Variants in EXOC1 observed in about 807,000 individuals in gnomAD.
EXOC1 encodes SEC3-like 1.
A neutral mutation model predicts 107.7 loss-of-function variants in EXOC1; 67 were observed. The observed-to-expected ratio is 0.62, with a 90% CI of 0.51 to 0.76. EXOC1 has a LOEUF of 0.76. Among genes scored for constraint, EXOC1 ranks in the 30% least tolerant of loss-of-function variants. The pLI is 0.00. For missense variants in EXOC1, 833 were observed against 1,055.7 expected (o/e 0.79, Z 2.92); for synonymous variants, 348 against 353.5 (o/e 0.98, Z 0.17).
At chr4:55,879,698 A>G (rs940445643) in intron 9 of EXOC1, among the ~76,000 whole-genome samples, 3 of 152,178 alleles carry the variant, frequency 2.0e-5, no homozygotes, top group East Asian at 1.9e-4. Context: ...CCCTTTTTAA[A>G]AAAATAGAGC....
rs116050743 is a variant in EXOC1, at chr4:55,873,282, A to G, written c.1074+1324A>G. 5.2e-3 allele frequency among the ~76,000 whole-genome samples: 796 copies of G among 152,196 alleles called. 7 individuals are homozygous for G. Among genetic ancestry groups the G allele is most frequent in the African/African-American group, 0.018 (758 of 41,538 alleles). ...GAGTGTAAAGGAAGACCACCTAACT[A>G]AAAGCACGGTAGGGGGGAATCAGAG... On this transcript the variant is annotated intron_variant, in intron 8 of 18. Coordinates refer to ENST00000381295, the MANE Select transcript of EXOC1 (RefSeq NM_001024924.2).
At chr4:55,855,761 A>G (rs1278672363) in intron 1 of EXOC1, among the ~76,000 whole-genome samples, 3 of 152,212 alleles carry the variant, frequency 2.0e-5, no homozygotes, top group Non-Finnish European at 4.4e-5. Context: ...TTGCATGAAC[A>G]AAAGCCCAGA....
At chr4:55,857,972 A>C (rs191875805) in intron 1 of EXOC1, among the ~76,000 whole-genome samples, 229 of 152,242 alleles carry the variant, frequency 1.5e-3, no homozygotes, top group African/African-American at 5.4e-3. Context: ...TCTTTTATTC[A>C]GTTTTTAATG....
chr4:55,902,346 T>C lies in EXOC1; in HGVS notation c.2340T>C (p.His780=). Residue 780 remains histidine (H), a splice_region_variant and synonymous_variant, in exon 18 of 19, where the codon CAT becomes CAC. Coordinates refer to ENST00000381295, the MANE Select transcript of EXOC1 (RefSeq NM_001024924.2). ...SLGQPLEKLN[H]FFEGVEARVA... The stretch of plus-strand genomic sequence containing the variant: ...TGTTTCTTTTCATTTCCTTGAAGCA[T>C]TTCTTTGAAGGTGTTGAAGCTCGCG... The C allele has an allele frequency of 6.9e-7, 1 of 1,442,166 alleles. No homozygotes were observed. 89.3% of individuals were successfully genotyped at this position (1,442,166 alleles called of 1,614,324 possible).
intron 4 of EXOC1, among the ~76,000 whole-genome samples, chr4:55,866,311 T>C (rs941093494): frequency 6.6e-6 from 1 of 152,168 alleles, no homozygotes; most frequent in Non-Finnish European, 1.5e-5. Context: ...GATTGAAGTT[T>C]TTATTTGGCC....
intron 16 of EXOC1, 28 bp downstream of exon 16, chr4:55,896,928 T>C (rs763961614): frequency 6.5e-7 from 1 of 1,534,148 alleles, no homozygotes; most frequent in East Asian, 2.4e-5. Flanking sequence ...TCTAAAGAAT[T>C]GTTATAGCTA....
intron 17 of EXOC1, among the ~76,000 whole-genome samples, chr4:55,901,141 C>G (rs1725854904): frequency 6.6e-6 from 1 of 152,048 alleles, no homozygotes; most frequent in Non-Finnish European, 1.5e-5. Context: ...AAGCACTAGC[C>G]AGTTCAACAA....
At chr4:55,890,479 C>T in intron 12 of EXOC1, 93 bp downstream of exon 12, 2 of 964,918 alleles carry the variant, frequency 2.1e-6, no homozygotes, top group Non-Finnish European at 3.0e-6. Context: ...GATTTGGGTT[C>T]TTCTGGCTCT....
intron 16 of EXOC1, among the ~76,000 whole-genome samples, chr4:55,899,397 C>T (rs966994236): frequency 2.2e-4 from 33 of 152,024 alleles, no homozygotes; most frequent in African/African-American, 7.5e-4. Context: ...TTAAAATGGT[C>T]CAGCCGGTTG....
chr4:55,898,256 T>TA (rs995765438), intron 16 of EXOC1, among the ~76,000 whole-genome samples: 7 of 152,216 alleles, frequency 4.6e-5, no homozygotes, highest in Admixed American at 4.6e-4. Context: ...GACCCTGTCT[T>TA]AAAAATAAAT....
chr4:55,864,283 C>T lies in EXOC1; in HGVS notation c.312C>T (p.Ser104=), dbSNP rs2110321535. ...AAATATATAAATGGGTTGCCAGCAG[C>T]ACTGCTGAAAAGAATGCATTTATTT... is the stretch of plus-strand genomic sequence containing the variant. ...FEKIYKWVAS[S]TAEKNAFISC... Residue 104 remains serine (S), a synonymous_variant, in exon 4 of 19, where the codon AGC becomes AGT. Transcript: ENST00000381295. 6.2e-7 allele frequency: 1 copy of T among 1,606,728 alleles called. No homozygotes were observed. The highest frequency in any genetic ancestry group is 1.3e-5 in the African/African-American group (1 of 74,904).
At chr4:55,897,003 A>T in intron 16 of EXOC1, 103 bp downstream of exon 16, 1 of 968,392 alleles carries the variant, frequency 1.0e-6, no homozygotes, top group Non-Finnish European at 1.5e-6. Context: ...TATATCTTAT[A>T]ATCTTTTTTA....
chr4:55,881,028 G>A (rs978449758), intron 9 of EXOC1, among the ~76,000 whole-genome samples: 1 of 152,124 alleles, frequency 6.6e-6, no homozygotes, highest in Non-Finnish European at 1.5e-5. Context: ...ATTTGCACTT[G>A]GTTAGGTTTA....
intron 10 of EXOC1, 107 bp from the exon 11 acceptor site, chr4:55,888,781 T>C (rs1345443207): frequency 9.2e-7 from 1 of 1,088,042 alleles, no homozygotes; most frequent in Non-Finnish European, 1.4e-6. Flanking sequence ...GTTCTTTGCA[T>C]GTGTCTTTTA....
intron 10 of EXOC1, among the ~76,000 whole-genome samples, chr4:55,885,019 C>G (rs17086112): frequency 6.6e-6 from 1 of 151,922 alleles, no homozygotes; most frequent in South Asian, 2.1e-4. Context: ...AGTAGGCTTT[C>G]GGAAACAGAA....
Position 55,871,155 on chromosome 4 carries a change from G to A in EXOC1, c.886G>A (p.Ala296Thr). ...AAAGGCCCTTCAGGAAGGAGATCTT[G>A]CTTCTTCCAGAGGCATTGAGGCCTG... The part of the protein sequence containing the change: ...HIKALQEGDL[A>T]SSRGIEACTN... The change falls in exon 7 of 19, where the codon GCT (alanine) becomes ACT (threonine). Residue 296 changes from alanine (A) to threonine (T), a missense_variant. Physicochemically the swap from Ala to Thr is moderately conservative, Grantham distance 58. This residue lies in a region of EXOC1 where 617 missense variants were observed against 701.3 expected (regional missense o/e 0.88). Coordinates refer to ENST00000381295, the MANE Select transcript of EXOC1 (RefSeq NM_001024924.2). The A allele has an allele frequency of 6.2e-7, 1 of 1,613,904 alleles. No individual in the cohort carries two copies. The highest frequency in any genetic ancestry group is 8.5e-7 in the Non-Finnish European group (1 of 1,179,898).
At chr4:55,865,361 T>A (rs1269050770) in intron 4 of EXOC1, among the ~76,000 whole-genome samples, 1 of 152,208 alleles carries the variant, frequency 6.6e-6, no homozygotes, top group Non-Finnish European at 1.5e-5. Flanking sequence ...AGCCTGCTGC[T>A]GATTTTAGGC....
chr4:55,889,575 A>G (rs1246727260), intron 11 of EXOC1, among the ~76,000 whole-genome samples: 1 of 152,194 alleles, frequency 6.6e-6, no homozygotes, highest in African/African-American at 2.4e-5. Flanking sequence ...TATTTTAAAT[A>G]TAACGAGTTT....
Position 55,904,369 on chromosome 4 carries a change from A to C in EXOC1, c.2559A>C (p.Glu853Asp). The change falls in exon 19 of 19, where the codon GAA (glutamate) becomes GAC (aspartate). Residue 853 changes from glutamate (E) to aspartate (D), a missense_variant. Glu to Asp is a conservative substitution (Grantham distance 45). This residue lies in a region of EXOC1 where 216 missense variants were observed against 354.4 expected (regional missense o/e 0.61). Coordinates refer to ENST00000381295, the MANE Select transcript of EXOC1 (RefSeq NM_001024924.2). Reference protein sequence around the residue: ...LQVVWHSMQDEFIRQYKHFEG... With the variant: ...LQVVWHSMQDDFIRQYKHFEG... ...TGGTGTGGCACTCCATGCAAGATGAATTTATACGCCAGTATAAGCACTTTG... is the reference window on the plus strand; with the variant it reads ...TGGTGTGGCACTCCATGCAAGATGACTTTATACGCCAGTATAAGCACTTTG... 6.2e-7 allele frequency: 1 copy of C among 1,610,492 alleles called. No individual in the cohort carries two copies. The highest frequency in any genetic ancestry group is 8.5e-7 in the Non-Finnish European group (1 of 1,178,978).
Sources: allele counts gnomAD v4.1 joint callset (sites outside exome capture counted in the v4.1 genomes callset), GRCh38; gene constraint gnomAD v4.1.1; regional missense constraint gnomAD v4.1.1; transcripts MANE v1.5; gene names NCBI Gene and HGNC (gene_info 2026-07-23, HGNC 2026-07-21).